The following RPS6KC1 variants were observed in gnomAD, a reference collection of about 807,000 sequenced individuals.
RPS6KC1 encodes the protein inactive ribosomal protein S6 kinase delta-1.
In RPS6KC1, 54 loss-of-function variants were observed where a neutral mutation model predicts 103.8. The ratio of observed to expected loss-of-function variants is 0.52; its 90% confidence interval spans 0.42 to 0.65. The LOEUF is 0.65. Among genes scored for constraint, RPS6KC1 ranks in the 30% least tolerant of loss-of-function variants. The pLI, the probability that RPS6KC1 is intolerant of heterozygous loss-of-function variation, is 0.00. For missense variants in RPS6KC1, 1,151 were observed against 1,253.8 expected (o/e 0.92, Z 1.24); for synonymous variants, 439 against 438.7 (o/e 1.00, Z -0.01).
At chr1:213,406,031 G>C in the RPS6KC1 span, among the ~76,000 whole-genome samples, 1 of 152,204 alleles carries the variant, frequency 6.6e-6, no homozygotes, top group Admixed American at 6.5e-5. Flanking sequence ...GGTGAGTCCC[G>C]AGGTGTCTGC....
chr1:213,344,305 T>A, the RPS6KC1 span, among the ~76,000 whole-genome samples: 1 of 152,212 alleles, frequency 6.6e-6, no homozygotes, highest in East Asian at 1.9e-4. Context: ...CTAAGTAGTA[T>A]GATTGTAAAC....
At chr1:213,608,510 G>T in the RPS6KC1 span, among the ~76,000 whole-genome samples, 1 of 152,144 alleles carries the variant, frequency 6.6e-6, no homozygotes, top group Admixed American at 6.5e-5. Context: ...AGGGTCGTGT[G>T]GGGATGACGT....
chr1:213,408,012 C>T, the RPS6KC1 span, among the ~76,000 whole-genome samples: 3 of 152,160 alleles, frequency 2.0e-5, no homozygotes, highest in Admixed American at 6.5e-5. Context: ...TATGGAAGCT[C>T]CATCAGTGAT....
the RPS6KC1 span, among the ~76,000 whole-genome samples, chr1:213,539,145 C>A: frequency 6.6e-6 from 1 of 152,164 alleles, no homozygotes; most frequent in African/African-American, 2.4e-5. Context: ...TTGCTCCTTC[C>A]TTGGGAAAAC....
intron 8 of RPS6KC1, among the ~76,000 whole-genome samples, chr1:213,209,831 C>T (rs535283605): frequency 9.3e-5 from 14 of 151,080 alleles, no homozygotes; most frequent in Non-Finnish European, 1.9e-4. Context: ...GTAGGCTATT[C>T]GTGAGTTTTT....
At chr1:213,647,206 C>T in the RPS6KC1 span, among the ~76,000 whole-genome samples, 3 of 152,222 alleles carry the variant, frequency 2.0e-5, no homozygotes, top group African/African-American at 4.8e-5. Context: ...CCACCACACC[C>T]GACTAGCATC....
At chr1:213,179,966 G>A in intron 8 of RPS6KC1, among the ~76,000 whole-genome samples, 1 of 152,134 alleles carries the variant, frequency 6.6e-6, no homozygotes, top group Non-Finnish European at 1.5e-5. Flanking sequence ...TACCTGGTAC[G>A]ATTGTATGAG....
the RPS6KC1 span, among the ~76,000 whole-genome samples, chr1:213,562,777 C>T: frequency 6.6e-6 from 1 of 152,160 alleles, no homozygotes; most frequent in African/African-American, 2.4e-5. Context: ...GATCCTCCCA[C>T]TTCCGCTTTC....
the RPS6KC1 span, among the ~76,000 whole-genome samples, chr1:213,459,039 T>C: frequency 1.3e-5 from 2 of 152,242 alleles, no homozygotes; most frequent in Non-Finnish European, 2.9e-5. Flanking sequence ...ACATCGATGT[T>C]CATCATGGAT....
the RPS6KC1 span, among the ~76,000 whole-genome samples, chr1:213,712,134 G>A: frequency 1.3e-5 from 2 of 152,236 alleles, no homozygotes; most frequent in East Asian, 1.9e-4. Flanking sequence ...TCCCCCAGGT[G>A]CTTTGTCCCA....
chr1:213,847,213 AC>A, the RPS6KC1 span, among the ~76,000 whole-genome samples: 1 of 152,172 alleles, frequency 6.6e-6, no homozygotes, highest in African/African-American at 2.4e-5. Flanking sequence ...TTCCAACCTC[AC>A]ATCCCACTTA....
the RPS6KC1 span, among the ~76,000 whole-genome samples, chr1:213,663,033 T>C: frequency 6.6e-6 from 1 of 152,226 alleles, no homozygotes; most frequent in African/African-American, 2.4e-5. Context: ...AGATTTATTA[T>C]AGGCTGCAAG....
the RPS6KC1 span, among the ~76,000 whole-genome samples, chr1:213,787,205 A>G: frequency 3.3e-5 from 5 of 152,302 alleles, no homozygotes; most frequent in Admixed American, 6.5e-5. Flanking sequence ...TGTCCTAGGT[A>G]GTAAGAAAGT....
chr1:213,149,773 C>T (rs1388299267), intron 6 of RPS6KC1, among the ~76,000 whole-genome samples: 3 of 152,096 alleles, frequency 2.0e-5, no homozygotes, highest in Non-Finnish European at 2.9e-5. Context: ...TAGATTGGGG[C>T]CTATCTCTCT....
chr1:213,391,978 C>G, the RPS6KC1 span, among the ~76,000 whole-genome samples: 154 of 152,244 alleles, frequency 1.0e-3, no homozygotes, highest in Admixed American at 2.2e-3. Flanking sequence ...GCTGCATGAC[C>G]TCTCATAGTT....
At chr1:213,064,677 T>TTC (rs2078150415) in intron 1 of RPS6KC1, among the ~76,000 whole-genome samples, 1 of 12,940 alleles carries the variant, frequency 7.7e-5, no homozygotes, top group African/African-American at 7.9e-4. Context: ...CTTTGTGAAC[T>TTC]TTTTTTTTTT....
intron 12 of RPS6KC1, among the ~76,000 whole-genome samples, chr1:213,246,051 T>G (rs762131484): frequency 1.3e-5 from 2 of 152,142 alleles, no homozygotes; most frequent in African/African-American, 2.4e-5. Context: ...ACCATGGAGC[T>G]TTCTCTGGCT....
chr1:213,055,141 T>G (rs1292085604), intron 1 of RPS6KC1, among the ~76,000 whole-genome samples: 1 of 152,206 alleles, frequency 6.6e-6, no homozygotes, highest in Non-Finnish European at 1.5e-5. Flanking sequence ...TGATGAGTTT[T>G]GACAAATGTA....
intron 8 of RPS6KC1, among the ~76,000 whole-genome samples, chr1:213,190,279 A>G (rs1424402608): frequency 6.6e-6 from 1 of 151,988 alleles, no homozygotes; most frequent in Non-Finnish European, 1.5e-5. Flanking sequence ...CAAGAGTATG[A>G]GGGCTCCCTT....
Sources: gnomAD v4.1 joint callset for allele counts (sites outside exome capture counted in the v4.1 genomes callset) on GRCh38, gnomAD v4.1.1 for gene constraint, MANE v1.5 for transcripts, NCBI Gene and HGNC (gene_info 2026-07-23, HGNC 2026-07-21) for gene names.